Variants in SLC5A4 observed in about 807,000 individuals in gnomAD.
SLC5A4 encodes the protein probable glucose sensor protein SLC5A4.
SLC5A4 carries 55 observed loss-of-function variants against 70.3 expected under a neutral mutation model. That is an observed-to-expected ratio of 0.78 (90% CI 0.63 to 0.98). The LOEUF (loss-of-function observed/expected upper bound fraction) is 0.98. Among genes scored for constraint, SLC5A4 ranks in the 50% least tolerant of loss-of-function variants. SLC5A4 has a pLI of 0.00. For synonymous variants in SLC5A4, 268 were observed against 305.7 expected (o/e 0.88, Z 1.29); for missense variants, 735 against 839.2 (o/e 0.88, Z 1.53).
rs138732765 is a variant in SLC5A4, at chr22:32,231,009, T to C, written c.1088A>G (p.Asn363Ser). The C allele has an allele frequency of 8.7e-4, 1,409 of 1,613,906 alleles. 4 individuals are homozygous for C. Among genetic ancestry groups the C allele is most frequent in the Non-Finnish European group, 9.9e-4 (1,172 of 1,179,890 alleles). Residue 363 changes from asparagine to serine, a missense_variant, in exon 10 of 15, where the codon AAC (asparagine) becomes AGC (serine). Transcript: ENST00000266086. ...CAGCACCATCGTGGGGTATGCGTAG[T>C]TGGTGCAGCCAACATCAACGCCACA... is the stretch of plus-strand genomic sequence containing the variant. ...KHCGVDVGCT[N>S]YAYPTMVLEL...
the SLC5A4 span, among the ~76,000 whole-genome samples, chr22:32,304,583 TTTC>T: frequency 2.0e-5 from 3 of 152,244 alleles, no homozygotes; most frequent in African/African-American, 7.2e-5. Context: ...CTGGCTCTGT[TTTC>T]TTATGGTTGA....
chr22:32,261,261 G>A, the SLC5A4 span, among the ~76,000 whole-genome samples: 1,473 of 152,274 alleles, frequency 9.7e-3, 28 homozygotes, highest in African/African-American at 0.033. Flanking sequence ...TCAGGTCCTG[G>A]GTCAGAGCTC....
chr22:32,269,566 C>G, the SLC5A4 span: 1 of 627,796 alleles, frequency 1.6e-6, no homozygotes, highest in South Asian at 1.4e-5. The surrounding 1 kb of genome is among the most constrained non-coding windows in gnomAD (Gnocchi z 4.1). Context: ...GAAGGTGCAC[C>G]CCGTCATCTG....
the SLC5A4 span, among the ~76,000 whole-genome samples, chr22:32,326,708 C>A: frequency 6.6e-6 from 1 of 152,178 alleles, no homozygotes. Context: ...TACCTCAATA[C>A]GGAGAAAGAG....
At chr22:32,220,870 GC>G (rs1472819173) in intron 14 of SLC5A4, 49 bp downstream of exon 14, 1 of 1,128,628 alleles carries the variant, frequency 8.9e-7, no homozygotes, top group East Asian at 2.3e-5. Context: ...CCATAAACAA[GC>G]CTGTGCACAG....
chr22:32,323,977 C>G, the SLC5A4 span, among the ~76,000 whole-genome samples: 1 of 147,702 alleles, frequency 6.8e-6, no homozygotes. Context: ...ATGGCTGCCC[C>G]TGTGTGGCAG....
At chr22:32,236,137 T>C (rs938042143) in intron 7 of SLC5A4, among the ~76,000 whole-genome samples, 1 of 152,126 alleles carries the variant, frequency 6.6e-6, no homozygotes, top group Non-Finnish European at 1.5e-5. Flanking sequence ...GATAACTGAA[T>C]AGAAAGTACA....
the SLC5A4 span, among the ~76,000 whole-genome samples, chr22:32,334,409 C>G: frequency 6.6e-6 from 1 of 152,294 alleles, no homozygotes; most frequent in East Asian, 1.9e-4. Flanking sequence ...TGTGCCCCTC[C>G]AACATCCAAT....
the SLC5A4 span, among the ~76,000 whole-genome samples, chr22:32,309,737 A>T: frequency 6.6e-6 from 1 of 152,110 alleles, no homozygotes; most frequent in South Asian, 2.1e-4. Flanking sequence ...TGAGACAGCA[A>T]GGGCCGTGAC....
chr22:32,308,077 C>G, the SLC5A4 span, among the ~76,000 whole-genome samples: 2 of 150,530 alleles, frequency 1.3e-5, no homozygotes, highest in Admixed American at 6.6e-5. Context: ...TCCTTCTTAC[C>G]TACCTACCTA....
the SLC5A4 span, among the ~76,000 whole-genome samples, chr22:32,274,081 C>T: frequency 2.8e-4 from 43 of 151,290 alleles, no homozygotes; most frequent in Non-Finnish European, 5.3e-4. Context: ...GCTCTGTCAC[C>T]CAGGCTGGAG....
the SLC5A4 span, among the ~76,000 whole-genome samples, chr22:32,306,468 A>G: frequency 3.6e-3 from 531 of 147,376 alleles, 2 homozygotes; most frequent in African/African-American, 0.013. Context: ...TCGGTCTCAA[A>G]AAAAAAAAAC....
At chr22:32,315,135 T>C in the SLC5A4 span, among the ~76,000 whole-genome samples, 1 of 152,144 alleles carries the variant, frequency 6.6e-6, no homozygotes, top group African/African-American at 2.4e-5. Flanking sequence ...AGCAGAAGCA[T>C]AACAAATGCA....
chr22:32,313,428 T>A, the SLC5A4 span, among the ~76,000 whole-genome samples: 1 of 152,196 alleles, frequency 6.6e-6, no homozygotes, highest in Non-Finnish European at 1.5e-5. Flanking sequence ...ATACCATTCA[T>A]ACTGACAAAA....
At chr22:32,307,696 G>T in the SLC5A4 span, among the ~76,000 whole-genome samples, 1 of 152,238 alleles carries the variant, frequency 6.6e-6, no homozygotes, top group African/African-American at 2.4e-5. Flanking sequence ...CTACAGCAAG[G>T]AACTAGGGCA....
At chr22:32,311,857 G>C in the SLC5A4 span, among the ~76,000 whole-genome samples, 10 of 152,082 alleles carry the variant, frequency 6.6e-5, no homozygotes, top group African/African-American at 2.2e-4. Flanking sequence ...GCATTGTGCA[G>C]GGTGTGCCCT....
the SLC5A4 span, among the ~76,000 whole-genome samples, chr22:32,308,750 A>G: frequency 1.4e-5 from 2 of 142,714 alleles, no homozygotes; most frequent in Non-Finnish European, 3.1e-5. Flanking sequence ...GACCAGATCT[A>G]CCTATGAAAT....
the SLC5A4 span, chr22:32,270,631 G>A: frequency 5.5e-6 from 4 of 732,870 alleles, no homozygotes; most frequent in African/African-American, 3.5e-5. Context: ...GGTCTTTGCC[G>A]AAAACATCGG....
the SLC5A4 span, among the ~76,000 whole-genome samples, chr22:32,300,843 T>A: frequency 6.6e-6 from 1 of 152,240 alleles, no homozygotes; most frequent in Non-Finnish European, 1.5e-5. Flanking sequence ...TTTCATCATT[T>A]TATTTCTGTC....
Sources: gnomAD v4.1 joint callset for allele counts (sites outside exome capture counted in the v4.1 genomes callset) on GRCh38, gnomAD v4.1.1 for gene constraint, Gnocchi (gnomAD v3.1) non-coding constraint, MANE v1.5 for transcripts, NCBI Gene and HGNC (gene_info 2026-07-23, HGNC 2026-07-21) for gene names.